Variants in ZDHHC14 observed in about 807,000 individuals in gnomAD.
ZDHHC14 encodes the protein palmitoyltransferase ZDHHC14.
Under a neutral mutation model 47.7 loss-of-function variants are expected in ZDHHC14, and 16 were observed. That is an observed-to-expected ratio of 0.34 (90% CI 0.23 to 0.51). ZDHHC14 has a LOEUF of 0.51. Among genes scored for constraint, ZDHHC14 ranks in the 20% least tolerant of loss-of-function variants. ZDHHC14 has a pLI of 0.97. For missense variants in ZDHHC14, 515 were observed against 662.5 expected (o/e 0.78, Z 2.44); for synonymous variants, 293 against 278.9 (o/e 1.05, Z -0.50).
chr6:157,674,003 A>G lies in ZDHHC14; in HGVS notation c.*881A>G, dbSNP rs753304332. On this transcript the variant is annotated 3_prime_UTR_variant, in exon 9 of 9. Coordinates refer to ENST00000359775, the MANE Select transcript of ZDHHC14 (RefSeq NM_024630.3). ...AAAACAAAGTCATCCAGATGGGGAG[A>G]GTTTTTCTTGAAATGTCCCTAGCGA... is the stretch of plus-strand genomic sequence containing the variant. 5.0e-4 allele frequency: 77 copies of G among 152,668 alleles called. No individual in the cohort carries two copies. Among genetic ancestry groups the G allele is most frequent in the Non-Finnish European group, 6.8e-4 (46 of 68,008 alleles). 9.5% of individuals were successfully genotyped at this position (152,668 alleles called of 1,614,324 possible).
intron 2 of ZDHHC14, among the ~76,000 whole-genome samples, chr6:157,580,437 A>AT (rs953474562): frequency 4.6e-5 from 7 of 151,808 alleles, no homozygotes; most frequent in South Asian, 4.2e-4. Context: ...GTCCCTGCTC[A>AT]TTTTTTTGGA....
intron 8 of ZDHHC14, among the ~76,000 whole-genome samples, chr6:157,663,951 T>G (rs188912106): frequency 2.1e-4 from 32 of 152,352 alleles, no homozygotes; most frequent in African/African-American, 7.5e-4. Context: ...TACAATTTTC[T>G]AACAGAAACG....
intron 4 of ZDHHC14, chr6:157,629,531 T>C (rs544072874): frequency 6.9e-6 from 1 of 144,532 alleles, no homozygotes; most frequent in African/African-American, 2.5e-5. Flanking sequence ...CGTATGGGGG[T>C]GGGGAAGTGG....
At chr6:157,560,526 A>G (rs957275725) in intron 2 of ZDHHC14, among the ~76,000 whole-genome samples, 18 of 152,232 alleles carry the variant, frequency 1.2e-4, no homozygotes, top group Non-Finnish European at 2.4e-4. Flanking sequence ...GGATCTTAAT[A>G]TATATAGGAA....
At chr6:157,649,915 T>C (rs1562528916) in intron 7 of ZDHHC14, among the ~76,000 whole-genome samples, 1 of 152,110 alleles carries the variant, frequency 6.6e-6, no homozygotes, top group Non-Finnish European at 1.5e-5. Flanking sequence ...TGACTGCCCA[T>C]GTGCGGTGGA....
chr6:157,426,155 C>G (rs970412391), intron 1 of ZDHHC14, among the ~76,000 whole-genome samples: 1 of 152,062 alleles, frequency 6.6e-6, no homozygotes, highest in Admixed American at 6.6e-5. Context: ...GATGTGAGAG[C>G]CTCCCGCAAG....
chr6:157,506,299 C>T (rs759467043), intron 1 of ZDHHC14, among the ~76,000 whole-genome samples: 3 of 152,152 alleles, frequency 2.0e-5, no homozygotes, highest in South Asian at 2.1e-4. Context: ...TTTTTGTCAA[C>T]CTATCTCAGT....
At chr6:157,540,933 T>TATATATATATATATATATATATATATAA (rs1252700559) in intron 1 of ZDHHC14, among the ~76,000 whole-genome samples, 40 of 143,396 alleles carry the variant, frequency 2.8e-4, no homozygotes, top group African/African-American at 1.1e-3. Flanking sequence ...TATATATATA[T>TATATATATATATATATATATATATATAA]AATTTCATAC....
At chr6:157,578,376 A>G (rs113103919) in intron 2 of ZDHHC14, among the ~76,000 whole-genome samples, 3,948 of 152,264 alleles carry the variant, frequency 0.026, 175 homozygotes, top group African/African-American at 0.09. Context: ...TATGTGGTGT[A>G]AGGAAGGGGC....
At chr6:157,492,081 C>G (rs1779932881) in intron 1 of ZDHHC14, among the ~76,000 whole-genome samples, 1 of 152,184 alleles carries the variant, frequency 6.6e-6, no homozygotes. Context: ...ACCTCAGGTG[C>G]TCCATCCAGC....
At chr6:157,584,929 G>A (rs897456420) in intron 2 of ZDHHC14, among the ~76,000 whole-genome samples, 2 of 152,178 alleles carry the variant, frequency 1.3e-5, no homozygotes, top group East Asian at 3.8e-4. Context: ...CTTGGGATGG[G>A]CACGGTGGCT....
intron 1 of ZDHHC14, among the ~76,000 whole-genome samples, chr6:157,486,521 A>G (rs1479430414): frequency 6.6e-6 from 1 of 152,236 alleles, no homozygotes; most frequent in African/African-American, 2.4e-5. Context: ...AATCATTTAT[A>G]TAGATATTTC....
At chr6:157,485,961 C>T (rs369665047) in intron 1 of ZDHHC14, among the ~76,000 whole-genome samples, 318 of 152,280 alleles carry the variant, frequency 2.1e-3, no homozygotes, top group African/African-American at 7.0e-3. Flanking sequence ...TGCAGTGAGC[C>T]GAGATCAGGC....
In ZDHHC14 at chr6:157,536,819, C is replaced by CTTTTTTTTTTTTTTTTT. The variant is rs768063106; in HGVS notation, c.246-5765_246-5749dup. Among the ~76,000 whole-genome samples the CTTTTTTTTTTTTTTTTT allele has an allele frequency of 3.4e-3, 331 of 97,924 alleles. 24 individuals are homozygous for CTTTTTTTTTTTTTTTTT. Among genetic ancestry groups the CTTTTTTTTTTTTTTTTT allele is most frequent in the Non-Finnish European group, 5.0e-3 (263 of 52,606 alleles). The allele number at this position is 97,924 out of a possible 152,430, so 64.2% of individuals were successfully genotyped here. ...TCTGTCTATCTATCCCTCCATCTAT[C>CTTTTTTTTTTTTTTTTT]TTTTTTTTTTTTTTTTTGAGACAGA... On this transcript the variant is annotated intron_variant, in intron 1 of 8. Coordinates refer to ENST00000359775, the MANE Select transcript of ZDHHC14 (RefSeq NM_024630.3).
chr6:157,503,317 A>C (rs1040755434), intron 1 of ZDHHC14, among the ~76,000 whole-genome samples: 2 of 152,080 alleles, frequency 1.3e-5, no homozygotes, highest in Admixed American at 6.5e-5. Flanking sequence ...CTGGCTTCCC[A>C]CTGCTGCTTG....
chr6:157,467,515 TTTTATTTATTTATTTA>T (rs139585882), intron 1 of ZDHHC14, among the ~76,000 whole-genome samples: 81 of 136,334 alleles, frequency 5.9e-4, no homozygotes, highest in South Asian at 2.5e-3. Context: ...TCATTCCTCA[TTTTATTTATTTATTTA>T]TTTATTTATT....
intron 1 of ZDHHC14, among the ~76,000 whole-genome samples, chr6:157,418,219 A>G (rs1017028977): frequency 2.6e-5 from 4 of 152,194 alleles, no homozygotes; most frequent in African/African-American, 9.7e-5. Context: ...CAAACCCATC[A>G]GAGGTCAGGG....
At chr6:157,415,755 T>A (rs1392390023) in intron 1 of ZDHHC14, among the ~76,000 whole-genome samples, 4 of 151,848 alleles carry the variant, frequency 2.6e-5, no homozygotes, top group African/African-American at 9.7e-5. Flanking sequence ...GTGCCTGTAA[T>A]CCCAGCCACT....
At chr6:157,621,269 G>A (rs1250688789) in intron 3 of ZDHHC14, among the ~76,000 whole-genome samples, 1 of 152,060 alleles carries the variant, frequency 6.6e-6, no homozygotes, top group African/African-American at 2.4e-5. Context: ...TGTACCACTG[G>A]ATCTCAACTT....
Sources: gnomAD v4.1 joint callset for allele counts (sites outside exome capture counted in the v4.1 genomes callset) on GRCh38, gnomAD v4.1.1 for gene constraint, MANE v1.5 for transcripts, NCBI Gene and HGNC (gene_info 2026-07-23, HGNC 2026-07-21) for gene names.